The following EPPK1 variants were observed in gnomAD, a reference collection of about 807,000 sequenced individuals.
EPPK1 encodes the protein epiplakin.
For synonymous variants in EPPK1, 1,862 were observed against 1,721.2 expected (o/e 1.08, Z -2.03); for missense variants, 3,823 against 3,673.3 (o/e 1.04, Z -1.05).
rs781937838 is a variant in EPPK1, at chr8:143,869,808, C to A, written c.3446G>T (p.Ser1149Ile). Residue 1149 changes from serine to isoleucine, a missense_variant, in exon 2 of 2, where the codon AGC becomes ATC. Coordinates refer to ENST00000615648, the MANE Select transcript of EPPK1 (RefSeq NM_031308.4). ...KDGTSLWDLL[S>I]SCHFTEEQRR... ...TTGCTCCTCGGTGAAGTGGCAGGAG[C>A]TGAGCAGGTCCCAGAGGGATGTGCC... The A allele has an allele frequency of 2.5e-6, 4 of 1,599,526 alleles. No individual in the cohort carries two copies. The highest frequency in any genetic ancestry group is 1.1e-5 in the South Asian group (1 of 88,754).
Position 143,872,750 on chromosome 8 carries a change from G to T in EPPK1, c.504C>A (p.Leu168=). 6.3e-7 allele frequency: 1 copy of T among 1,592,656 alleles called. No individual in the cohort carries two copies. Among genetic ancestry groups the T allele is most frequent in the Non-Finnish European group, 8.6e-7 (1 of 1,167,062 alleles). The change falls in exon 2 of 2, where the codon CTC becomes CTA. Residue 168 remains leucine, a synonymous_variant. Transcript: ENST00000615648. ...GGTGGCAGGCTGGCTCAGGGGCCAC[G>T]AGCACTCCCTGGGCGGGGTCCACCA... ...GGLVDPAQGV[L]VAPEPACHQG... is the part of the protein sequence containing the mutation.
At chr8:143,877,212 C>T (rs1819498789) in intron 1 of EPPK1, among the ~76,000 whole-genome samples, 2 of 152,222 alleles carry the variant, frequency 1.3e-5, no homozygotes, top group African/African-American at 4.8e-5. Flanking sequence ...CCCTCTGGGC[C>T]CTGCCCCTTC....
rs2130622459 is a variant in EPPK1 at position 143,867,165 on chromosome 8, G to A, written c.6089C>T (p.Ala2030Val). 1 of 1,612,828 alleles carries A rather than the reference G, an allele frequency of 6.2e-7. No individual in the cohort carries two copies. The highest frequency in any genetic ancestry group is 1.3e-5 in the African/African-American group (1 of 75,034). Reference protein sequence around the residue: ...QHHHRLPLETAYRRGCLHKDI... With the variant: ...QHHHRLPLETVYRRGCLHKDI... ...CTTGTGCAGACAGCCCCGTCTGTAG[G>A]CTGTTTCCAGTGGGAGCCGGTGGTG... The change falls in exon 2 of 2, where the codon GCC (alanine) becomes GTC (valine). Residue 2030 changes from alanine (A) to valine (V), a missense_variant. Physicochemically the swap from Ala to Val is moderately conservative, Grantham distance 64. Transcript: ENST00000615648.
Position 143,872,274 on chromosome 8 carries a change from G to T in EPPK1, c.980C>A (p.Thr327Asn), listed in dbSNP as rs781999116. The T allele has an allele frequency of 2.5e-6, 4 of 1,606,926 alleles. No individual in the cohort carries two copies. Among genetic ancestry groups the T allele is most frequent in the Non-Finnish European group, 2.5e-6 (3 of 1,176,998 alleles). Residue 327 changes from threonine (T) to asparagine (N), a missense_variant, in exon 2 of 2, where the codon ACC becomes AAC. By Grantham distance (65) the Thr-to-Asn change is moderately conservative. Transcript: ENST00000615648. ...CTGGCCTGTGATGGGGTCCACCAGG[G>T]TGTGGGTGGCAGCCTGGGCCTCTAG... ...PLLEAQAATH[T>N]LVDPITGQRL... is the part of the protein sequence containing the mutation.
At position 143,867,134 on chromosome 8, in the gene EPPK1, G is replaced by A. The variant is rs782125364; in HGVS notation, c.6120C>T (p.Ile2040=). 4 of 1,612,834 alleles carry A rather than the reference G, an allele frequency of 2.5e-6. No individual in the cohort carries two copies. Among genetic ancestry groups the A allele is most frequent in the South Asian group, 2.2e-5 (2 of 91,084 alleles). The stretch of plus-strand genomic sequence containing the variant: ...GCTTCTGGTCGGAAATGAGCGCATA[G>A]ATGTCCTTGTGCAGACAGCCCCGTC... The part of the protein sequence containing the change: ...AYRRGCLHKD[I]YALISDQKHM... The change falls in exon 2 of 2, where the codon ATC becomes ATT. Residue 2040 remains isoleucine, a synonymous_variant. Transcript: ENST00000615648.
chr8:143,870,610 C>T lies in EPPK1; in HGVS notation c.2644G>A (p.Ala882Thr), dbSNP rs757861517. The change falls in exon 2 of 2, where the codon GCA becomes ACA. Residue 882 changes from alanine to threonine, a missense_variant. By Grantham distance (58) the Ala-to-Thr change is moderately conservative. Transcript: ENST00000615648. The surrounding 1 kb of genome is among the most constrained non-coding windows in gnomAD (Gnocchi z 5.2). ...TGGACGGTGACCCGGCTCCGCAGTG[C>T]GGGCAGCATGATGTCCGCCTGTCTC... ...TQRQADIMLP[A>T]LRSRVTVHQL... 1.5e-5 allele frequency: 24 copies of T among 1,606,896 alleles called. No homozygotes were observed. Among genetic ancestry groups the T allele is most frequent in the East Asian group, 1.3e-4 (6 of 44,508 alleles).
Position 143,872,784 on chromosome 8 carries a change from G to A in EPPK1, c.470C>T (p.Thr157Ile). 1.9e-6 allele frequency: 3 copies of A among 1,577,910 alleles called. No individual in the cohort carries two copies. Among genetic ancestry groups the A allele is most frequent in the South Asian group, 2.3e-5 (2 of 86,566 alleles). The change falls in exon 2 of 2, where the codon ACT (threonine) becomes ATT (isoleucine). Residue 157 changes from threonine to isoleucine, a missense_variant. Transcript: ENST00000615648. The part of the protein sequence containing the change: ...GQSWLEVQLA[T>I]GGLVDPAQGV... The stretch of plus-strand genomic sequence containing the variant: ...CTGGGCGGGGTCCACCAGGCCCCCA[G>A]TGGCCAGTTGGACCTCCAGCCAGCT...
chr8:143,867,986 C>T lies in EPPK1; in HGVS notation c.5268G>A (p.Leu1756=). 1 of 1,613,650 alleles carries T rather than the reference C, an allele frequency of 6.2e-7. No individual in the cohort carries two copies. Among genetic ancestry groups the T allele is most frequent in the Non-Finnish European group, 8.5e-7 (1 of 1,179,978 alleles). The change falls in exon 2 of 2, where the codon CTG becomes CTA. Residue 1756 remains leucine (L), a synonymous_variant. Transcript: ENST00000615648. ...CVEDPETGLY[L]LQIIKKGENY... is the part of the protein sequence containing the mutation. ...TTTCTCCTTTCTTTATGATTTGTAG[C>T]AGGTACAGGCCCGTCTCGGGGTCCT...
Position 143,869,880 on chromosome 8 carries a change from T to C in EPPK1, c.3374A>G (p.Glu1125Gly). ...LPESAPALPT[E>G]EQVQRSLQAV... ...CTGCAGGCTCCTCTGGACCTGCTCC[T>C]CGGTGGGGAGGGCAGGAGCACTTTC... The change falls in exon 2 of 2, where the codon GAG becomes GGG. Residue 1125 changes from glutamate (E) to glycine (G), a missense_variant. By Grantham distance (98) the Glu-to-Gly change is moderately conservative. Coordinates refer to ENST00000615648, the MANE Select transcript of EPPK1 (RefSeq NM_031308.4). 2 of 1,606,474 alleles carry C rather than the reference T, an allele frequency of 1.2e-6. No individual in the cohort carries two copies. Among genetic ancestry groups the C allele is most frequent in the Non-Finnish European group, 8.5e-7 (1 of 1,177,206 alleles).
Position 143,871,409 on chromosome 8 carries a change from C to T in EPPK1, c.1845G>A (p.Leu615=), listed in dbSNP as rs1554661141. ...GGCGTTCCTGGGAGCCAGGGAGCAG[C>T]AGGCCAGCAATGCAGCCCGTACCCT... is the stretch of plus-strand genomic sequence containing the variant. ...YLQGTGCIAG[L]LLPGSQERLS... Residue 615 remains leucine, a synonymous_variant, in exon 2 of 2, where the codon CTG becomes CTA. Coordinates refer to ENST00000615648, the MANE Select transcript of EPPK1 (RefSeq NM_031308.4). The T allele has an allele frequency of 1.2e-6, 2 of 1,604,650 alleles. No individual in the cohort carries two copies. The highest frequency in any genetic ancestry group is 2.2e-5 in the East Asian group (1 of 44,586).
In EPPK1 at chr8:143,872,024, C is replaced by A. The variant is rs1043560509; in HGVS notation, c.1230G>T (p.Arg410Ser). The change falls in exon 2 of 2, where the codon AGG (arginine) becomes AGT (serine). Residue 410 changes from arginine (R) to serine (S), a missense_variant. By Grantham distance (110) the Arg-to-Ser change is moderately radical (BLOSUM62 -1). Coordinates refer to ENST00000615648, the MANE Select transcript of EPPK1 (RefSeq NM_031308.4). ...GGGCGGCCTCCAGGGGCAGCCGGAG[C>A]CTGCGTGCTGGACAGACCAGCCCGC... Reference protein sequence around the residue: ...ATGGLVCPARRLRLPLEAALR... With the variant: ...ATGGLVCPARSLRLPLEAALR... 5 of 1,563,294 alleles carry A rather than the reference C, an allele frequency of 3.2e-6. No individual in the cohort carries two copies. Among genetic ancestry groups the A allele is most frequent in the African/African-American group, 1.4e-5 (1 of 73,830 alleles).
upstream of EPPK1, among the ~76,000 whole-genome samples, chr8:143,879,041 C>T (rs1434466131): frequency 1.3e-5 from 2 of 152,188 alleles, no homozygotes; most frequent in Admixed American, 1.3e-4. Flanking sequence ...TCCCTGTCAC[C>T]CTGGGAGTAC....
Position 143,868,098 on chromosome 8 carries a change from G to T in EPPK1, c.5156C>A (p.Ala1719Glu). The T allele has an allele frequency of 1.2e-6, 2 of 1,613,348 alleles. No homozygotes were observed. Among genetic ancestry groups the T allele is most frequent in the Non-Finnish European group, 1.7e-6 (2 of 1,180,026 alleles). The change falls in exon 2 of 2, where the codon GCG (alanine) becomes GAG (glutamate). Residue 1719 changes from alanine (A) to glutamate (E), a missense_variant. Transcript: ENST00000615648. ...GCCCTTGGTGTCGTCGCTGGGGTCC[G>T]CCAGGATGCGGTTCATCTCCTCGTC... ...YFDEEMNRIL[A>E]DPSDDTKGFF...
In EPPK1 at chr8:143,871,751, C is replaced by A. The variant is rs1554661298; in HGVS notation, c.1503G>T (p.Gly501=). The A allele has an allele frequency of 6.2e-7, 1 of 1,610,666 alleles. No homozygotes were observed. The highest frequency in any genetic ancestry group is 8.5e-7 in the Non-Finnish European group (1 of 1,178,934). ...LSTATATVSV[G]KFRGRPVSLW... ...GGGACACGGGCCGGCCCCGGAACTT[C>A]CCCACAGAGACGGTGGCTGTGGCCG... is the stretch of plus-strand genomic sequence containing the variant. Residue 501 remains glycine, a synonymous_variant, in exon 2 of 2, where the codon GGG becomes GGT. Transcript: ENST00000615648.
At position 143,871,473 on chromosome 8, in the gene EPPK1, T is replaced by C; in HGVS notation, c.1781A>G (p.Lys594Arg). ...CACCGAGGCCAGGCTGCCCACATCC[T>C]TGGCTGTGGCCTGTCCATGCTCCAG... ...ERLEHGQATA[K>R]DVGSLASVQR... The change falls in exon 2 of 2, where the codon AAG (lysine) becomes AGG (arginine). Residue 594 changes from lysine (K) to arginine (R), a missense_variant. Lys to Arg is a conservative substitution (Grantham distance 26, BLOSUM62 2). Transcript: ENST00000615648. 1 of 1,608,952 alleles carries C rather than the reference T, an allele frequency of 6.2e-7. No homozygotes were observed. Among genetic ancestry groups the C allele is most frequent in the Non-Finnish European group, 8.5e-7 (1 of 1,178,630 alleles).
chr8:143,858,080 G>C lies in EPPK1; in HGVS notation c.15174C>G (p.Asn5058Lys). 1.9e-6 allele frequency: 3 copies of C among 1,613,526 alleles called. No individual in the cohort carries two copies. The highest frequency in any genetic ancestry group is 2.5e-6 in the Non-Finnish European group (3 of 1,180,018). Residue 5058 changes from asparagine (N) to lysine (K), a missense_variant, in exon 2 of 2, where the codon AAC becomes AAG. Coordinates refer to ENST00000615648, the MANE Select transcript of EPPK1 (RefSeq NM_031308.4). Reference protein sequence around the residue: ...SDDTKGFFDPNTHENLTYLQL... With the variant: ...SDDTKGFFDPKTHENLTYLQL... ...GCAGGTACGTGAGGTTCTCGTGCGT[G>C]TTGGGGTCGAAGAAGCCCTTGGTGT...
intron 1 of EPPK1, among the ~76,000 whole-genome samples, chr8:143,877,002 T>C (rs1344762973): frequency 1.3e-5 from 2 of 152,242 alleles, no homozygotes; most frequent in African/African-American, 4.8e-5. Context: ...CTCAGGCAAG[T>C]GGCTCAAGTT....
Position 143,866,666 on chromosome 8 carries a change from C to T in EPPK1, c.6588G>A (p.Met2196Ile). 3.1e-6 allele frequency: 5 copies of T among 1,613,180 alleles called. No homozygotes were observed. The highest frequency in any genetic ancestry group is 4.2e-6 in the Non-Finnish European group (5 of 1,179,876). The change falls in exon 2 of 2, where the codon ATG becomes ATA. Residue 2196 changes from methionine to isoleucine, a missense_variant. Met to Ile is a conservative substitution (Grantham distance 10). Coordinates refer to ENST00000615648, the MANE Select transcript of EPPK1 (RefSeq NM_031308.4). ...TCCGTCCCGTTTCCAGGTCCTGGAG[C>T]ATTTCCTCCGTGATTATGGCTGAGC... Reference protein sequence around the residue: ...LLSSAIITEEMLQDLETGRST... With the variant: ...LLSSAIITEEILQDLETGRST...
intron 1 of EPPK1, 37 bp from the exon 2 acceptor site, chr8:143,873,335 A>G (rs1819419665): frequency 7.2e-7 from 1 of 1,388,956 alleles, no homozygotes; most frequent in African/African-American, 1.5e-5. Flanking sequence ...GGGACCCCGC[A>G]TGGCCTGGTG....
Sources: gnomAD v4.1 joint callset for allele counts (sites outside exome capture counted in the v4.1 genomes callset) on GRCh38, gnomAD v4.1.1 for gene constraint, Gnocchi (gnomAD v3.1) non-coding constraint, MANE v1.5 for transcripts, NCBI Gene and HGNC (gene_info 2026-07-23, HGNC 2026-07-21) for gene names.